WDFY2: variants seen among roughly 807,000 people sequenced by gnomAD.
WDFY2 encodes the protein WD repeat and FYVE domain-containing protein 2.
A neutral mutation model predicts 56.4 loss-of-function variants in WDFY2; 36 were observed. The ratio of observed to expected loss-of-function variants is 0.64; its 90% CI spans 0.49 to 0.84. The LOEUF (loss-of-function observed/expected upper bound fraction) is 0.84. Ranked by LOEUF, WDFY2 falls within the 40% of genes least tolerant of loss-of-function variation. WDFY2 has a pLI of 0.00. For synonymous variants in WDFY2, 176 were observed against 183.7 expected (o/e 0.96, Z 0.34); for missense variants, 444 against 512.2 (o/e 0.87, Z 1.29).
intron 3 of WDFY2, among the ~76,000 whole-genome samples, chr13:51,681,257 T>C (rs1955972215): frequency 6.6e-6 from 1 of 152,204 alleles, no homozygotes; most frequent in African/African-American, 2.4e-5. Flanking sequence ...AGACTCTCAC[T>C]CATCAGTCAT....
chr13:51,728,409 T>A (rs541494203), intron 6 of WDFY2, among the ~76,000 whole-genome samples: 38 of 152,316 alleles, frequency 2.5e-4, no homozygotes, highest in Admixed American at 1.6e-3. Flanking sequence ...TAGATGATAA[T>A]GATTAATTTT....
Position 51,584,724 on chromosome 13 carries a change from A to G in WDFY2, c.37A>G (p.Lys13Glu), listed in dbSNP as rs998834353. 3 of 1,613,646 alleles carry G rather than the reference A, an allele frequency of 1.9e-6. No individual in the cohort carries two copies. Among genetic ancestry groups the G allele is most frequent in the Non-Finnish European group, 2.5e-6 (3 of 1,179,742 alleles). ...AEIQPKPLTR[K>E]PILLQRMEGS... ...GATCCAGCCCAAGCCTCTGACCCGCAAGCCGATCCTGCTGCAGCGGATGGA... is the reference window on the plus strand; with the variant it reads ...GATCCAGCCCAAGCCTCTGACCCGCGAGCCGATCCTGCTGCAGCGGATGGA... The change falls in exon 1 of 12, where the codon AAG (lysine) becomes GAG (glutamate). Residue 13 changes from lysine (K) to glutamate (E), a missense_variant. Lys to Glu is a moderately conservative substitution (Grantham distance 56). Transcript: ENST00000298125.
chr13:51,765,800 A>G lies in WDFY2; in HGVS notation c.*6031A>G, dbSNP rs1052540203. 2 of 152,212 alleles carry G rather than the reference A, an allele frequency of 1.3e-5. No homozygotes were observed. The highest frequency in any genetic ancestry group is 3.8e-4 in the East Asian group (2 of 5,202). The allele number at this position is 152,212 out of a possible 1,614,324, so 9.4% of individuals were successfully genotyped here. A position where few individuals can be genotyped will look rare whatever the true frequency, so the allele number is the denominator to read the frequency against. On this transcript the variant is annotated 3_prime_UTR_variant, in exon 12 of 12. Transcript: ENST00000298125. Reference sequence around the variant, plus strand: ...TTGTAGGGCAAAAAAAATTCTTTTTAAAGATGGTAAGGGTGGAAATTAATC... The same window carrying G: ...TTGTAGGGCAAAAAAAATTCTTTTTGAAGATGGTAAGGGTGGAAATTAATC...
intron 1 of WDFY2, among the ~76,000 whole-genome samples, chr13:51,642,320 C>T (rs996522446): frequency 6.6e-6 from 1 of 152,202 alleles, no homozygotes; most frequent in African/African-American, 2.4e-5. Context: ...CAGAGTCTTG[C>T]TCTGTTGCCC....
chr13:51,654,180 C>T (rs1425862799), intron 1 of WDFY2, among the ~76,000 whole-genome samples: 1 of 152,208 alleles, frequency 6.6e-6, no homozygotes, highest in African/African-American at 2.4e-5. Flanking sequence ...AGCAAGGCTC[C>T]GTGGGCGTAG....
At chr13:51,607,685 A>C (rs906337125) in intron 1 of WDFY2, among the ~76,000 whole-genome samples, 16 of 152,210 alleles carry the variant, frequency 1.1e-4, no homozygotes, top group Non-Finnish European at 2.9e-5. Context: ...TAGAAGTATC[A>C]GAGTGAAAGT....
chr13:51,752,510 G>C (rs1566233061), intron 8 of WDFY2, among the ~76,000 whole-genome samples: 1 of 152,192 alleles, frequency 6.6e-6, no homozygotes, highest in Non-Finnish European at 1.5e-5. Flanking sequence ...AGTCACACCT[G>C]GTCTGTCCTG....
At chr13:51,728,404 G>T (rs1265519868) in intron 6 of WDFY2, among the ~76,000 whole-genome samples, 1 of 152,158 alleles carries the variant, frequency 6.6e-6, no homozygotes, top group African/African-American at 2.4e-5. Flanking sequence ...CTTGATAGAT[G>T]ATAATGATTA....
chr13:51,602,876 G>A (rs756474343), intron 1 of WDFY2, among the ~76,000 whole-genome samples: 30 of 152,042 alleles, frequency 2.0e-4, no homozygotes, highest in Non-Finnish European at 3.4e-4. Flanking sequence ...CTCCAAATGG[G>A]TTCCATTTGC....
chr13:51,761,904 C>T lies in WDFY2; in HGVS notation c.*2135C>T, dbSNP rs1953594960. The stretch of plus-strand genomic sequence containing the variant: ...CCCCGCACAGGCTGTTAGCACTTGT[C>T]GCCTCGCTGCCCTGGTCCAGACTAC... On this transcript the variant is annotated 3_prime_UTR_variant, in exon 12 of 12. Coordinates refer to ENST00000298125, the MANE Select transcript of WDFY2 (RefSeq NM_052950.4). 1 of 152,244 alleles carries T rather than the reference C, an allele frequency of 6.6e-6. No individual in the cohort carries two copies. Among genetic ancestry groups the T allele is most frequent in the East Asian group, 1.9e-4 (1 of 5,194 alleles). The allele number at this position is 152,244 out of a possible 1,614,324, so 9.4% of individuals were successfully genotyped here. A position where few individuals can be genotyped will look rare whatever the true frequency, so the allele number is the denominator to read the frequency against.
intron 1 of WDFY2, among the ~76,000 whole-genome samples, chr13:51,646,274 C>T (rs889646131): frequency 3.3e-5 from 5 of 152,222 alleles, no homozygotes; most frequent in Non-Finnish European, 7.3e-5. Flanking sequence ...CTCGCCTTGC[C>T]TCCCTGGGCG....
chr13:51,733,202 AG>A (rs1295443615), intron 6 of WDFY2, among the ~76,000 whole-genome samples: 1 of 152,076 alleles, frequency 6.6e-6, no homozygotes, highest in African/African-American at 2.4e-5. Context: ...CACCCATCAA[AG>A]TTTTTTTATT....
chr13:51,715,665 C>T (rs946797830), intron 4 of WDFY2, among the ~76,000 whole-genome samples: 2 of 152,112 alleles, frequency 1.3e-5, no homozygotes, highest in Non-Finnish European at 1.5e-5. Flanking sequence ...ATTTTAAAAG[C>T]ATAGTATAGT....
intron 3 of WDFY2, among the ~76,000 whole-genome samples, chr13:51,700,475 A>G (rs1363426266): frequency 1.3e-5 from 2 of 152,248 alleles, no homozygotes; most frequent in Admixed American, 1.3e-4. Flanking sequence ...GTGAGTATTA[A>G]CAGATAAAAT....
chr13:51,620,075 G>A (rs1222262814), intron 1 of WDFY2, among the ~76,000 whole-genome samples: 3 of 152,178 alleles, frequency 2.0e-5, no homozygotes, highest in Non-Finnish European at 4.4e-5. Context: ...AATACAGGAG[G>A]GGAGGCAGCG....
chr13:51,597,568 T>A (rs185477488), intron 1 of WDFY2, among the ~76,000 whole-genome samples: 1 of 152,240 alleles, frequency 6.6e-6, no homozygotes, highest in Admixed American at 6.5e-5. Context: ...GTTGCTTTTG[T>A]TGCCTAGTAG....
intron 3 of WDFY2, among the ~76,000 whole-genome samples, chr13:51,697,325 A>G (rs1217941789): frequency 6.6e-6 from 1 of 152,188 alleles, no homozygotes; most frequent in Non-Finnish European, 1.5e-5. Flanking sequence ...TAATAATAAA[A>G]CATTGGTGTC....
rs978800330 is a variant in WDFY2, at chr13:51,645,210, G to T, written c.138-15386G>T. On this transcript the variant is annotated intron_variant, in intron 1 of 11. Transcript: ENST00000298125. ...TTGCTCAAAGTTTTTCTATTAGTTTGCAGATCGCTAGGGGCTGCCTTCCTT... is the reference window on the plus strand; with the variant it reads ...TTGCTCAAAGTTTTTCTATTAGTTTTCAGATCGCTAGGGGCTGCCTTCCTT... Among the ~76,000 whole-genome samples the T allele has an allele frequency of 4.7e-5, 7 of 150,070 alleles. No individual in the cohort carries two copies. In the East Asian group the frequency reaches 1.4e-3, roughly 30 times the overall value.
intron 5 of WDFY2, among the ~76,000 whole-genome samples, chr13:51,721,948 G>A (rs2138636692): frequency 6.6e-6 from 1 of 151,492 alleles, no homozygotes; most frequent in South Asian, 2.1e-4. Context: ...TTTAAATTTA[G>A]CTTTTAAAAA....
Sources: gnomAD v4.1 joint callset for allele counts (sites outside exome capture counted in the v4.1 genomes callset) on GRCh38, gnomAD v4.1.1 for gene constraint, MANE v1.5 for transcripts, NCBI Gene and HGNC (gene_info 2026-07-23, HGNC 2026-07-21) for gene names.